Variants in ARHGAP32 observed in about 807,000 individuals in gnomAD.
ARHGAP32 encodes Rho GTPase activating protein 32.
A neutral mutation model predicts 186.5 loss-of-function variants in ARHGAP32; 51 were observed. The observed-to-expected ratio is 0.27, with a 90% CI of 0.22 to 0.35. The LOEUF (loss-of-function observed/expected upper bound fraction) is 0.35, where lower values mean the gene tolerates loss of function less well. Among genes scored for constraint, ARHGAP32 ranks in the 10% least tolerant of loss-of-function variants. The pLI is 1.00. For missense variants in ARHGAP32, 2,186 were observed against 2,623.5 expected, an observed-to-expected ratio of 0.83 and a Z score of 3.64; for synonymous variants, 950 against 964.3, an observed-to-expected ratio of 0.99 and a Z score of 0.27.
intron 7 of ARHGAP32, 50 bp downstream of exon 7, chr11:129,066,681 C>T: frequency 6.5e-7 from 1 of 1,532,016 alleles, no homozygotes; most frequent in East Asian, 2.3e-5. Flanking sequence ...AAAACTTCTG[C>T]AAACTCATAT....
At chr11:129,274,907 A>T (rs12292792) in intron 1 of ARHGAP32, among the ~76,000 whole-genome samples, 43,566 of 145,660 alleles carry the variant, frequency 0.3, 6,581 homozygotes, top group Middle Eastern at 0.4. Context: ...TCATCTTTCT[A>T]AAAAAAAAAA....
At chr11:129,082,842 AT>A (rs2135227401) in intron 6 of ARHGAP32, among the ~76,000 whole-genome samples, 1 of 152,262 alleles carries the variant, frequency 6.6e-6, no homozygotes, top group South Asian at 2.1e-4. Flanking sequence ...AAGGACTGAT[AT>A]CCAGAATCTA....
chr11:128,997,856 T>C (rs1427402443), intron 12 of ARHGAP32, among the ~76,000 whole-genome samples: 1 of 152,170 alleles, frequency 6.6e-6, no homozygotes, highest in Non-Finnish European at 1.5e-5. Flanking sequence ...ATCACGCCAC[T>C]GCACTCCAGC....
intron 5 of ARHGAP32, among the ~76,000 whole-genome samples, chr11:129,120,481 A>G (rs1942497862): frequency 6.6e-6 from 1 of 152,132 alleles, no homozygotes; most frequent in South Asian, 2.1e-4. Context: ...TATGGTAATG[A>G]TAGTACTGAC....
chr11:129,059,663 C>G (rs1940411313), intron 10 of ARHGAP32, among the ~76,000 whole-genome samples: 1 of 151,936 alleles, frequency 6.6e-6, no homozygotes, highest in Non-Finnish European at 1.5e-5. Context: ...CCAAGCCCAG[C>G]TAATTTTTGT....
intron 6 of ARHGAP32, among the ~76,000 whole-genome samples, chr11:129,088,995 CAAAAAAAAAA>C (rs10601798): frequency 5.9e-5 from 5 of 84,768 alleles, no homozygotes; most frequent in East Asian, 3.6e-4. Flanking sequence ...GAGACCTTGT[CAAAAAAAAAA>C]AAAAAAAAAA....
intron 14 of ARHGAP32, 130 bp from the exon 15 acceptor site, chr11:128,986,215 C>T: frequency 4.0e-6 from 3 of 740,810 alleles, no homozygotes; most frequent in African/African-American, 3.6e-5. Flanking sequence ...GGAAACACAA[C>T]ATTGTATTCA....
intron 10 of ARHGAP32, among the ~76,000 whole-genome samples, chr11:129,057,914 G>C (rs1214785351): frequency 6.6e-6 from 1 of 152,042 alleles, no homozygotes; most frequent in East Asian, 1.9e-4. Context: ...GTAAGGACAC[G>C]CAAGAAAGTG....
At chr11:129,250,751 A>G (rs1945170277) in intron 1 of ARHGAP32, among the ~76,000 whole-genome samples, 1 of 152,168 alleles carries the variant, frequency 6.6e-6, no homozygotes, top group African/African-American at 2.4e-5. Context: ...TTTTTAACAC[A>G]TTTGTATTTC....
At chr11:129,243,902 T>C (rs929129762) in intron 1 of ARHGAP32, among the ~76,000 whole-genome samples, 1 of 152,212 alleles carries the variant, frequency 6.6e-6, no homozygotes, top group Non-Finnish European at 1.5e-5. Context: ...TGTCACCATA[T>C]TGTGATCTGG....
intron 11 of ARHGAP32, among the ~76,000 whole-genome samples, chr11:129,018,337 T>C (rs1938449437): frequency 6.6e-6 from 1 of 152,004 alleles, no homozygotes; most frequent in Non-Finnish European, 1.5e-5. Context: ...CTGTATTGGG[T>C]GAAAGCACCA....
chr11:129,024,325 A>G (rs916554168), intron 11 of ARHGAP32: 9 of 205,636 alleles, frequency 4.4e-5, no homozygotes, highest in African/African-American at 2.1e-4. Context: ...TTGATATTAA[A>G]TTATGTCTTT....
intron 1 of ARHGAP32, among the ~76,000 whole-genome samples, chr11:129,172,073 G>A (rs1338447228): frequency 1.3e-5 from 2 of 152,148 alleles, no homozygotes; most frequent in Non-Finnish European, 2.9e-5. Flanking sequence ...TTTGGGCTGA[G>A]ATGACTGGGT....
chr11:129,251,254 T>C (rs1945178822), intron 1 of ARHGAP32, among the ~76,000 whole-genome samples: 1 of 152,182 alleles, frequency 6.6e-6, no homozygotes, highest in Non-Finnish European at 1.5e-5. Flanking sequence ...TCTCTTTCAA[T>C]GAAATACGAT....
chr11:129,013,142 A>G (rs1422236161), intron 11 of ARHGAP32, among the ~76,000 whole-genome samples: 1 of 152,192 alleles, frequency 6.6e-6, no homozygotes, highest in South Asian at 2.1e-4. Flanking sequence ...ACAAGGCGCA[A>G]TTAAGTAAGA....
At chr11:129,028,907 T>C (rs1457241193) in intron 11 of ARHGAP32, among the ~76,000 whole-genome samples, 2 of 152,090 alleles carry the variant, frequency 1.3e-5, no homozygotes, top group Non-Finnish European at 2.9e-5. Context: ...TGAAGCCACA[T>C]GCCATGTTCA....
intron 11 of ARHGAP32, among the ~76,000 whole-genome samples, chr11:129,012,624 T>G (rs1454193674): frequency 1.3e-5 from 2 of 152,102 alleles, no homozygotes; most frequent in Non-Finnish European, 2.9e-5. Flanking sequence ...TCTGGGACGA[T>G]CCACACATCA....
At chr11:129,044,209 T>C (rs1245530971) in intron 10 of ARHGAP32, among the ~76,000 whole-genome samples, 2 of 152,206 alleles carry the variant, frequency 1.3e-5, no homozygotes, top group Non-Finnish European at 2.9e-5. Context: ...TAATAATGCC[T>C]ATCTCATAAG....
intron 1 of ARHGAP32, among the ~76,000 whole-genome samples, chr11:129,204,895 T>G (rs1944497137): frequency 6.6e-6 from 1 of 151,488 alleles, no homozygotes; most frequent in African/African-American, 2.5e-5. Context: ...ATTCTTCAAT[T>G]TTATTTTCCT....
Sources: allele counts gnomAD v4.1 joint callset (sites outside exome capture counted in the v4.1 genomes callset), GRCh38; gene constraint gnomAD v4.1.1; transcripts MANE v1.5; gene names NCBI Gene and HGNC (gene_info 2026-07-23, HGNC 2026-07-21).